The following NCAM2 variants were observed in gnomAD, a reference collection of about 807,000 sequenced individuals.
NCAM2 encodes N-CAM-2.
In NCAM2, 30 loss-of-function variants were observed where a neutral mutation model predicts 98.1. The observed-to-expected ratio is 0.31, with a 90% CI of 0.23 to 0.41. The LOEUF is 0.41. Among genes scored for constraint, NCAM2 ranks in the 10% least tolerant of loss-of-function variants. NCAM2 has a pLI of 1.00. For synonymous variants in NCAM2, 368 were observed against 342.4 expected (o/e 1.07, Z -0.83); for missense variants, 867 against 1,005.8 (o/e 0.86, Z 1.87).
chr21:21,355,614 T>TATC (rs2075455925), intron 8 of NCAM2, among the ~76,000 whole-genome samples: 1 of 150,762 alleles, frequency 6.6e-6, no homozygotes. Context: ...TTATTGCTGT[T>TATC]ATTATTATTA....
At position 21,395,567 on chromosome 21, in the gene NCAM2, A is replaced by T. The variant is rs192124818; in HGVS notation, c.1196-14707A>T. ...CAAAAGAGCCCTCATAGCCAAAGCA[A>T]TACTAAGCAGAGAGAACACATCTGG... On this transcript the variant is annotated intron_variant, in intron 9 of 17. Transcript: ENST00000400546. Among the ~76,000 whole-genome samples, 11 of 152,246 alleles carry T rather than the reference A, an allele frequency of 7.2e-5. 1 individual carries two copies. The East Asian group carries it at 2.1e-3, about 29-fold the overall frequency.
At chr21:21,143,543 T>C (rs996506704) in intron 1 of NCAM2, among the ~76,000 whole-genome samples, 7 of 152,176 alleles carry the variant, frequency 4.6e-5, no homozygotes, top group Non-Finnish European at 1.0e-4. Flanking sequence ...TTCCTCTGTG[T>C]ATAGTTTTAT....
rs185929831 is a variant in NCAM2 at position 21,016,420 on chromosome 21, A to T, written c.55+17802A>T. 1.8e-4 allele frequency among the ~76,000 whole-genome samples: 21 copies of T among 116,702 alleles called. No individual in the cohort carries two copies. In the Admixed American group the frequency reaches 1.9e-3, roughly 11 times the overall value. 76.6% of individuals were successfully genotyped at this position (116,702 alleles called of 152,430 possible). On this transcript the variant is annotated intron_variant, in intron 1 of 17. Transcript: ENST00000400546. Reference sequence around the variant, plus strand: ...ATGTGTGATCTCATATGATTCTCCAAACTTTTGAGATTAATTATCTTTTAT... The same window carrying T: ...ATGTGTGATCTCATATGATTCTCCATACTTTTGAGATTAATTATCTTTTAT...
chr21:21,333,320 T>G (rs2074766889), intron 6 of NCAM2, among the ~76,000 whole-genome samples: 1 of 152,218 alleles, frequency 6.6e-6, no homozygotes, highest in Non-Finnish European at 1.5e-5. Flanking sequence ...GCCCCTCTAC[T>G]TCAAAGGCCA....
chr21:21,401,807 AC>A (rs2076636846), intron 9 of NCAM2, among the ~76,000 whole-genome samples: 1 of 152,152 alleles, frequency 6.6e-6, no homozygotes, highest in African/African-American at 2.4e-5. Context: ...TTGGACATAT[AC>A]TCACAAGTAG....
intron 2 of NCAM2, among the ~76,000 whole-genome samples, chr21:21,282,932 ATATT>A (rs1366456714): frequency 6.6e-6 from 1 of 151,822 alleles, no homozygotes; most frequent in Non-Finnish European, 1.5e-5. Context: ...AAGACTCAAA[ATATT>A]TATCAGAATA....
intron 12 of NCAM2, among the ~76,000 whole-genome samples, chr21:21,465,778 C>A (rs999305639): frequency 6.6e-6 from 1 of 151,908 alleles, no homozygotes; most frequent in East Asian, 1.9e-4. Context: ...GTTATATCCC[C>A]TAGCTGAGTT....
rs534075142 is a variant in NCAM2 at position 21,370,140 on chromosome 21, G to T, written c.1045-3723G>T. Among the ~76,000 whole-genome samples the T allele has an allele frequency of 7.9e-5, 12 of 151,714 alleles. No homozygotes were observed. In the East Asian group the frequency reaches 2.3e-3, roughly 29 times the overall value. ...ACTTATCATTTTGACTTGTCCTTCC[G>T]TTTTGGCATAAATACCTACGAGAAA... On this transcript the variant is annotated intron_variant, in intron 8 of 17. Transcript: ENST00000400546.
At chr21:21,089,026 G>C (rs1333356864) in intron 1 of NCAM2, among the ~76,000 whole-genome samples, 1 of 151,244 alleles carries the variant, frequency 6.6e-6, no homozygotes, top group South Asian at 2.1e-4. Flanking sequence ...CAGGCTTCAG[G>C]GATCATAGGT....
At chr21:21,105,932 G>T (rs1485539481) in intron 1 of NCAM2, among the ~76,000 whole-genome samples, 2 of 151,912 alleles carry the variant, frequency 1.3e-5, no homozygotes, top group African/African-American at 4.8e-5. Flanking sequence ...AATTAATCTT[G>T]CTTATGGCAT....
At chr21:21,465,015 C>G (rs187553873) in intron 12 of NCAM2, among the ~76,000 whole-genome samples, 73 of 152,142 alleles carry the variant, frequency 4.8e-4, no homozygotes, top group Middle Eastern at 3.4e-3. Flanking sequence ...AGGCAGTACA[C>G]TCTAAAAAGC....
At chr21:21,089,044 T>G (rs371448317) in intron 1 of NCAM2, among the ~76,000 whole-genome samples, 48 of 151,726 alleles carry the variant, frequency 3.2e-4, no homozygotes, top group African/African-American at 1.1e-3. Context: ...GGTTTACAAT[T>G]TTGGTATTTA....
chr21:21,503,116 C>A (rs949120784), intron 15 of NCAM2, among the ~76,000 whole-genome samples: 3 of 151,458 alleles, frequency 2.0e-5, no homozygotes, highest in Non-Finnish European at 4.4e-5. Flanking sequence ...TACAATAGTC[C>A]CTGCTTTAGC....
At chr21:21,029,444 T>G (rs988232178) in intron 1 of NCAM2, among the ~76,000 whole-genome samples, 1 of 150,342 alleles carries the variant, frequency 6.7e-6, no homozygotes, top group Non-Finnish European at 1.5e-5. Flanking sequence ...CTGCCAAACC[T>G]ATGTCTGCGG....
chr21:21,470,406 A>G (rs797012264), intron 14 of NCAM2, among the ~76,000 whole-genome samples: 3 of 152,248 alleles, frequency 2.0e-5, no homozygotes, highest in South Asian at 4.1e-4. Flanking sequence ...GTAAGATTTT[A>G]AGCATAATGA....
intron 9 of NCAM2, among the ~76,000 whole-genome samples, chr21:21,406,400 A>G (rs2076739198): frequency 6.6e-6 from 1 of 152,210 alleles, no homozygotes; most frequent in African/African-American, 2.4e-5. Context: ...TCAGATAGCA[A>G]GAGTGATCAG....
chr21:21,116,656 C>T (rs1262536216), intron 1 of NCAM2, among the ~76,000 whole-genome samples: 5 of 152,084 alleles, frequency 3.3e-5, no homozygotes, highest in Non-Finnish European at 5.9e-5. Flanking sequence ...AGATTGAGAC[C>T]ATTCTGGCTA....
chr21:21,039,836 A>G (rs367904788), intron 1 of NCAM2, among the ~76,000 whole-genome samples: 1 of 152,284 alleles, frequency 6.6e-6, no homozygotes, highest in African/African-American at 2.4e-5. Flanking sequence ...TTGATACCTA[A>G]TCCTCAGTCA....
intron 15 of NCAM2, among the ~76,000 whole-genome samples, chr21:21,496,544 T>C (rs527425698): frequency 7.9e-5 from 12 of 152,244 alleles, no homozygotes; most frequent in Non-Finnish European, 1.8e-4. Context: ...CGTGAATATT[T>C]TCCCCCGTTC....
Sources: gnomAD v4.1 joint callset for allele counts (sites outside exome capture counted in the v4.1 genomes callset) on GRCh38, gnomAD v4.1.1 for gene constraint, MANE v1.5 for transcripts, NCBI Gene and HGNC (gene_info 2026-07-23, HGNC 2026-07-21) for gene names.